The following PCDH17 variants were observed in gnomAD, a reference collection of about 807,000 sequenced individuals.
PCDH17 encodes protocadherin 17.
Under a neutral mutation model 67.7 loss-of-function variants are expected in PCDH17, and 21 were observed. The ratio of observed to expected loss-of-function variants is 0.31; its 90% CI spans 0.22 to 0.45. The LOEUF (loss-of-function observed/expected upper bound fraction) is 0.45. Among genes scored for constraint, PCDH17 ranks in the 20% least tolerant of loss-of-function variants. PCDH17 has a pLI of 1.00. For missense variants in PCDH17, 1,471 were observed against 1,564.8 expected (o/e 0.94, Z 1.01); for synonymous variants, 701 against 656.7 (o/e 1.07, Z -1.03).
At chr13:57,641,509 A>C (rs532781871) in intron 1 of PCDH17, among the ~76,000 whole-genome samples, 2 of 136,944 alleles carry the variant, frequency 1.5e-5, no homozygotes, top group Non-Finnish European at 3.1e-5. Context: ...GTATGTACCA[A>C]GTTCTTCCGG....
At position 57,683,241 on chromosome 13, in the gene PCDH17, G is replaced by A. The variant is rs371069616; in HGVS notation, c.2797+16408G>A. Among the ~76,000 whole-genome samples the A allele has an allele frequency of 4.0e-5, 6 of 151,892 alleles. No individual in the cohort carries two copies. The East Asian group carries it at 1.2e-3, about 30-fold the overall frequency. ...AAAGGCCTTATTAACATCTTGACTG[G>A]GAGTTGGAAACCCTTGATAGAATGA... On this transcript the variant is annotated intron_variant, in intron 3 of 3. Coordinates refer to ENST00000377918, the MANE Select transcript of PCDH17 (RefSeq NM_001040429.3).
intron 1 of PCDH17, among the ~76,000 whole-genome samples, chr13:57,659,546 T>C (rs939041845): frequency 6.6e-6 from 1 of 152,166 alleles, no homozygotes; most frequent in African/African-American, 2.4e-5. Flanking sequence ...CATTATCTCG[T>C]ATAAACTTAA....
At chr13:57,708,426 C>T (rs879452610) in intron 3 of PCDH17, among the ~76,000 whole-genome samples, 2 of 151,954 alleles carry the variant, frequency 1.3e-5, no homozygotes, top group Non-Finnish European at 2.9e-5. Flanking sequence ...AAGGTAATTT[C>T]TAGATTATTC....
rs777529923 is a variant in PCDH17, at chr13:57,634,969, C to T, written c.2423C>T (p.Ser808Leu). 2.5e-6 allele frequency: 4 copies of T among 1,613,880 alleles called. No homozygotes were observed. Among genetic ancestry groups the T allele is most frequent in the Non-Finnish European group, 3.4e-6 (4 of 1,180,006 alleles). Residue 808 changes from serine to leucine, a missense_variant, in exon 1 of 4, where the codon TCG becomes TTG. By Grantham distance (145) the Ser-to-Leu change is moderately radical. This residue lies in a region of PCDH17 where 1,163 missense variants were observed against 1,230.0 expected (regional missense o/e 0.95). Transcript: ENST00000377918. This position sits in a 1 kb window ranked among gnomAD's most constrained non-coding sequence, Gnocchi z 7.8. ...TACCAGACCCGCCTGCCCCTCAGCTCGCCCCGGTCGGAGGTGATGTATCTC... is the reference window on the plus strand; with the variant it reads ...TACCAGACCCGCCTGCCCCTCAGCTTGCCCCGGTCGGAGGTGATGTATCTC... Reference protein sequence around the residue: ...FDYQTRLPLSSPRSEVMYLKP... With the variant: ...FDYQTRLPLSLPRSEVMYLKP...
In PCDH17 at chr13:57,632,999, C is replaced by G. The variant is rs1253462609; in HGVS notation, c.453C>G (p.Phe151Leu). The change falls in exon 1 of 4, where the codon TTC (phenylalanine) becomes TTG (leucine). Residue 151 changes from phenylalanine (F) to leucine (L), a missense_variant. Phe to Leu is a conservative substitution (Grantham distance 22). This residue lies in a region of PCDH17 where 1,163 missense variants were observed against 1,230.0 expected (regional missense o/e 0.95). Coordinates refer to ENST00000377918, the MANE Select transcript of PCDH17 (RefSeq NM_001040429.3). ...ISENAAPGTR[F>L]PLTSAHDPDA... ...AGAACGCTGCTCCGGGCACCCGCTT[C>G]CCCCTCACCAGCGCACATGACCCCG... The G allele has an allele frequency of 1.2e-5, 19 of 1,613,012 alleles. No homozygotes were observed. The highest frequency in any genetic ancestry group is 1.6e-5 in the Non-Finnish European group (19 of 1,179,994).
intron 3 of PCDH17, among the ~76,000 whole-genome samples, chr13:57,720,209 AAG>A (rs771940328): frequency 6.6e-6 from 1 of 151,886 alleles, no homozygotes; most frequent in Non-Finnish European, 1.5e-5. Flanking sequence ...TAGGTTAAAA[AAG>A]AGAGAGAGAG....
At chr13:57,655,193 G>A (rs972846086) in intron 1 of PCDH17, among the ~76,000 whole-genome samples, 7 of 113,314 alleles carry the variant, frequency 6.2e-5, no homozygotes, top group African/African-American at 2.5e-4. Flanking sequence ...GAGTTAAAAT[G>A]CACCTACAAA....
intron 3 of PCDH17, among the ~76,000 whole-genome samples, chr13:57,682,763 G>C (rs1353856661): frequency 6.6e-6 from 1 of 151,786 alleles, no homozygotes; most frequent in African/African-American, 2.4e-5. Flanking sequence ...TAAGACCACA[G>C]GTTAAGCAGA....
intron 3 of PCDH17, among the ~76,000 whole-genome samples, chr13:57,691,053 TTTACTC>T (rs886546072): frequency 4.6e-5 from 7 of 151,470 alleles, no homozygotes; most frequent in African/African-American, 1.7e-4. Context: ...TATTTTTTCT[TTTACTC>T]TTGCTCATTG....
chr13:57,727,472 C>T lies in PCDH17; in HGVS notation c.*2178C>T, dbSNP rs1203302790. 4 of 152,080 alleles carry T rather than the reference C, an allele frequency of 2.6e-5. No homozygotes were observed. The East Asian group carries it at 7.7e-4, about 29-fold the overall frequency. 9.4% of individuals were successfully genotyped at this position (152,080 alleles called of 1,614,324 possible). A position where few individuals can be genotyped will look rare whatever the true frequency, so the allele number is the denominator to read the frequency against. On this transcript the variant is annotated 3_prime_UTR_variant, in exon 4 of 4. Transcript: ENST00000377918. ...CTACTGAAAATATTTCCGCCAAATG[C>T]CATCAATATTTTAGACTGTACCTCG...
intron 3 of PCDH17, among the ~76,000 whole-genome samples, chr13:57,699,400 T>G (rs951697812): frequency 6.6e-6 from 1 of 152,216 alleles, no homozygotes; most frequent in South Asian, 2.1e-4. Flanking sequence ...ATTCTTTGAT[T>G]ACTCAAGTGA....
chr13:57,716,431 CTG>C (rs748900880), intron 3 of PCDH17, among the ~76,000 whole-genome samples: 1 of 151,886 alleles, frequency 6.6e-6, no homozygotes, highest in Admixed American at 6.6e-5. Flanking sequence ...TCTTACTGCC[CTG>C]TGAAGTGCAC....
intron 1 of PCDH17, among the ~76,000 whole-genome samples, chr13:57,652,105 C>G (rs922087147): frequency 2.0e-5 from 3 of 151,584 alleles, no homozygotes; most frequent in African/African-American, 4.8e-5. Context: ...GGTGAAACCC[C>G]GTCTCTACTA....
Position 57,633,582 on chromosome 13 carries a change from G to A in PCDH17, c.1036G>A (p.Asp346Asn). 1 of 1,613,284 alleles carries A rather than the reference G, an allele frequency of 6.2e-7. No individual in the cohort carries two copies. Among genetic ancestry groups the A allele is most frequent in the Non-Finnish European group, 8.5e-7 (1 of 1,180,032 alleles). The part of the protein sequence containing the change: ...KVTVKLIDRN[D>N]NAPSIGFVSV... ...CACGGTCAAGCTCATCGACCGCAAC[G>A]ACAATGCGCCGTCCATCGGTTTCGT... Residue 346 changes from aspartate (D) to asparagine (N), a missense_variant, in exon 1 of 4, where the codon GAC (aspartate) becomes AAC (asparagine). Asp to Asn is a conservative substitution (Grantham distance 23). Coordinates refer to ENST00000377918, the MANE Select transcript of PCDH17 (RefSeq NM_001040429.3). The surrounding 1 kb of genome is among the most constrained non-coding windows in gnomAD (Gnocchi z 6.2).
At chr13:57,715,477 C>G (rs528512182) in intron 3 of PCDH17, among the ~76,000 whole-genome samples, 2 of 151,802 alleles carry the variant, frequency 1.3e-5, no homozygotes, top group South Asian at 4.1e-4. Flanking sequence ...ACTTTAGGGT[C>G]TCCAGGTAAA....
intron 1 of PCDH17, among the ~76,000 whole-genome samples, 196 bp downstream of exon 1, chr13:57,635,307 C>T (rs1052344304): frequency 1.3e-5 from 2 of 152,184 alleles, no homozygotes; most frequent in African/African-American, 4.8e-5. Context: ...ATAGTCTAAA[C>T]TCTACCAAAC....
intron 3 of PCDH17, among the ~76,000 whole-genome samples, chr13:57,699,458 CTTGTT>C (rs1358153501): frequency 8.6e-5 from 13 of 152,014 alleles, no homozygotes; most frequent in Non-Finnish European, 1.3e-4. Flanking sequence ...GTTTCTCTCT[CTTGTT>C]TTGTATGATT....
rs776586069 is a variant in PCDH17 at position 57,632,881 on chromosome 13, A to G, written c.335A>G (p.Asp112Gly). The G allele has an allele frequency of 1.2e-6, 2 of 1,614,042 alleles. No individual in the cohort carries two copies. The highest frequency in any genetic ancestry group is 2.2e-5 in the South Asian group (2 of 91,072). Residue 112 changes from aspartate (D) to glycine (G), a missense_variant, in exon 1 of 4, where the codon GAC (aspartate) becomes GGC (glycine). Transcript: ENST00000377918. The stretch of plus-strand genomic sequence containing the variant: ...CTGTCCCTCGAGGTGTTCGCCAACG[A>G]CAAGGAGATCTGCATGATCAAGGTA... ...CQLSLEVFAN[D>G]KEICMIKVEI...
intron 3 of PCDH17, among the ~76,000 whole-genome samples, chr13:57,670,118 C>T (rs1467993407): frequency 6.6e-6 from 1 of 151,894 alleles, no homozygotes; most frequent in East Asian, 1.9e-4. Flanking sequence ...ACATTCAAAG[C>T]CTGCCCTTTC....
Sources: gnomAD v4.1 joint callset for allele counts (sites outside exome capture counted in the v4.1 genomes callset) on GRCh38, gnomAD v4.1.1 for gene constraint, gnomAD v4.1.1 regional missense constraint, Gnocchi (gnomAD v3.1) non-coding constraint, MANE v1.5 for transcripts, NCBI Gene and HGNC (gene_info 2026-07-23, HGNC 2026-07-21) for gene names.